Variants in CLSTN2 observed in about 807,000 individuals in gnomAD.
The protein encoded by CLSTN2 is calsyntenin-2.
Under a neutral mutation model 101.2 loss-of-function variants are expected in CLSTN2, and 48 were observed. The observed-to-expected ratio is 0.47, with a 90% CI of 0.38 to 0.60. CLSTN2 has a LOEUF of 0.60. CLSTN2 is among the 20% of genes least tolerant of loss of function. The pLI is 0.00. For synonymous variants in CLSTN2, 481 were observed against 463.6 expected (o/e 1.04, Z -0.48); for missense variants, 1,160 against 1,238.2 (o/e 0.94, Z 0.95).
At chr3:140,168,223 T>C (rs908030153) in intron 1 of CLSTN2, among the ~76,000 whole-genome samples, 2 of 152,186 alleles carry the variant, frequency 1.3e-5, no homozygotes, top group East Asian at 3.8e-4. Context: ...GCCATTCAAC[T>C]GGTGTTGTGG....
intron 8 of CLSTN2, among the ~76,000 whole-genome samples, chr3:140,482,466 G>A (rs1051982676): frequency 1.3e-5 from 2 of 152,130 alleles, no homozygotes; most frequent in Non-Finnish European, 2.9e-5. Flanking sequence ...CATAAAATGA[G>A]TTAGGGAGGA....
intron 2 of CLSTN2, among the ~76,000 whole-genome samples, chr3:140,214,821 C>G (rs2010901307): frequency 6.6e-6 from 1 of 152,186 alleles, no homozygotes; most frequent in Non-Finnish European, 1.5e-5. Flanking sequence ...CTTTCTTTGA[C>G]TGTCTGAAAC....
Position 140,421,186 on chromosome 3 carries a change from G to A in CLSTN2, c.699G>A (p.Val233=). 1 of 1,614,154 alleles carries A rather than the reference G, an allele frequency of 6.2e-7. No homozygotes were observed. The highest frequency in any genetic ancestry group is 8.5e-7 in the Non-Finnish European group (1 of 1,180,002). ...YDKQHQYEIL[V]TAYDCGQKPA... ...AACAACACCAGTATGAGATCCTGGT[G>A]ACCGCCTACGACTGTGGACAGAAGC... Residue 233 remains valine (V), a synonymous_variant, in exon 5 of 17, where the codon GTG becomes GTA. Transcript: ENST00000458420.
At chr3:140,262,468 A>AT (rs149047483) in intron 2 of CLSTN2, among the ~76,000 whole-genome samples, 4,702 of 142,330 alleles carry the variant, frequency 0.033, 156 homozygotes, top group African/African-American at 0.081. Context: ...AAATGAAATT[A>AT]TTTTTTATGA....
chr3:139,946,039 A>G (rs1160147671), intron 1 of CLSTN2, among the ~76,000 whole-genome samples: 4 of 152,348 alleles, frequency 2.6e-5, no homozygotes, highest in East Asian at 3.9e-4. Flanking sequence ...AGCACTTTAC[A>G]TATATTAATT....
chr3:140,259,461 G>A (rs1226029613), intron 2 of CLSTN2, among the ~76,000 whole-genome samples: 2 of 151,984 alleles, frequency 1.3e-5, no homozygotes, highest in Non-Finnish European at 2.9e-5. Flanking sequence ...GCAACAGAGT[G>A]AGACTCCATC....
intron 7 of CLSTN2, among the ~76,000 whole-genome samples, chr3:140,466,326 G>A (rs115194488): frequency 0.024 from 3,689 of 152,206 alleles, 163 homozygotes; most frequent in African/African-American, 0.083. Flanking sequence ...TTGTACCCTG[G>A]GACTGATGCA....
intron 1 of CLSTN2, among the ~76,000 whole-genome samples, chr3:140,132,018 A>AC (rs2009530509): frequency 6.6e-6 from 1 of 152,186 alleles, no homozygotes; most frequent in South Asian, 2.1e-4. Context: ...TGATACAACA[A>AC]CCCCCAAAGT....
At chr3:139,954,673 A>T (rs1370276380) in intron 1 of CLSTN2, among the ~76,000 whole-genome samples, 1 of 152,164 alleles carries the variant, frequency 6.6e-6, no homozygotes, top group African/African-American at 2.4e-5. Flanking sequence ...GTATTTTCCC[A>T]GAGCACCTAT....
chr3:140,266,069 A>T (rs1359390723), intron 2 of CLSTN2, among the ~76,000 whole-genome samples: 1 of 152,164 alleles, frequency 6.6e-6, no homozygotes, highest in Non-Finnish European at 1.5e-5. Context: ...GACAGCCTTC[A>T]ATAGCTCAAC....
intron 8 of CLSTN2, among the ~76,000 whole-genome samples, chr3:140,509,450 C>T (rs1165242118): frequency 6.6e-6 from 1 of 152,132 alleles, no homozygotes; most frequent in Non-Finnish European, 1.5e-5. Context: ...TGCTGTGGTT[C>T]AGAGACCACA....
chr3:140,511,229 T>C (rs1934807110), intron 8 of CLSTN2, among the ~76,000 whole-genome samples: 1 of 152,220 alleles, frequency 6.6e-6, no homozygotes, highest in African/African-American at 2.4e-5. Context: ...TAGTATTCCA[T>C]GGTGTATACG....
At chr3:140,141,198 G>A (rs936719058) in intron 1 of CLSTN2, among the ~76,000 whole-genome samples, 1 of 152,198 alleles carries the variant, frequency 6.6e-6, no homozygotes, top group African/African-American at 2.4e-5. Context: ...GAGAGGAGGT[G>A]GGGATCTCTG....
intron 1 of CLSTN2, among the ~76,000 whole-genome samples, chr3:140,113,104 C>A (rs12485851): frequency 0.088 from 13,362 of 152,104 alleles, 669 homozygotes; most frequent in East Asian, 0.17. Context: ...AGTTGTTAAA[C>A]TGTTAGTGGC....
chr3:140,168,241 C>T (rs2010162722), intron 1 of CLSTN2, among the ~76,000 whole-genome samples: 1 of 152,026 alleles, frequency 6.6e-6, no homozygotes, highest in Admixed American at 6.6e-5. Context: ...TGGTGATATC[C>T]CATTGTGGCT....
intron 2 of CLSTN2, among the ~76,000 whole-genome samples, chr3:140,290,929 C>G (rs545426802): frequency 6.6e-6 from 1 of 152,238 alleles, no homozygotes; most frequent in Non-Finnish European, 1.5e-5. Context: ...TTTAACACCC[C>G]TCTCTCCCAG....
intron 2 of CLSTN2, among the ~76,000 whole-genome samples, chr3:140,196,260 T>C (rs976551362): frequency 2.0e-5 from 3 of 152,224 alleles, no homozygotes; most frequent in African/African-American, 7.2e-5. Flanking sequence ...GGCGGAGCTT[T>C]CCCAAATCTC....
intron 1 of CLSTN2, among the ~76,000 whole-genome samples, chr3:140,135,101 CACACACACACACACACAT>C (rs1187558326): frequency 8.4e-5 from 4 of 47,624 alleles, no homozygotes; most frequent in African/African-American, 4.4e-4. Flanking sequence ...CACACACACA[CACACACACACACACACAT>C]ATATATATAT....
At chr3:140,083,077 G>A (rs1371016246) in intron 1 of CLSTN2, among the ~76,000 whole-genome samples, 1 of 152,134 alleles carries the variant, frequency 6.6e-6, no homozygotes, top group Non-Finnish European at 1.5e-5. Context: ...ACTTCCTTGT[G>A]GAAGCCTTTT....
Sources: allele counts gnomAD v4.1 joint callset (sites outside exome capture counted in the v4.1 genomes callset), GRCh38; gene constraint gnomAD v4.1.1; transcripts MANE v1.5; gene names NCBI Gene and HGNC (gene_info 2026-07-23, HGNC 2026-07-21).